COG5: variants seen among roughly 807,000 people sequenced by gnomAD.
COG5 encodes component of oligomeric golgi complex 5.
Under a neutral mutation model 110.4 loss-of-function variants are expected in COG5, and 86 were observed. The observed-to-expected ratio is 0.78, with a 90% confidence interval of 0.65 to 0.93. The LOEUF (loss-of-function observed/expected upper bound fraction) is 0.93, where lower values mean the gene tolerates loss of function less well. Ranked by LOEUF, COG5 falls within the 40% of genes least tolerant of loss-of-function variation. The probability of loss-of-function intolerance (pLI) is 0.00; values close to 1 mark genes in which losing one functional copy is unlikely to be tolerated. For synonymous variants in COG5, 360 were observed against 334.6 expected, an observed-to-expected ratio of 1.08 and a Z score of -0.83; for missense variants, 1,077 against 987.0, an observed-to-expected ratio of 1.09 and a Z score of -1.22.
chr7:107,558,261 T>C, intron 1 of COG5, 146 bp from the exon 2 acceptor site: 1 of 771,060 alleles, frequency 1.3e-6, no homozygotes, highest in Non-Finnish European at 2.1e-6. Flanking sequence ...CTTACTTTTA[T>C]CATGACCCTA....
intron 8 of COG5, among the ~76,000 whole-genome samples, chr7:107,365,790 C>G (rs1361905971): frequency 1.3e-5 from 2 of 151,880 alleles, no homozygotes; most frequent in African/African-American, 4.8e-5. Context: ...GGTAGCCATA[C>G]TAAGCTTCTG....
chr7:107,404,841 T>C (rs1456168074), intron 7 of COG5, among the ~76,000 whole-genome samples: 2 of 145,842 alleles, frequency 1.4e-5, no homozygotes, highest in Non-Finnish European at 1.5e-5. Context: ...GAGAAGATGG[T>C]TGATGGAAAG....
Position 107,380,713 on chromosome 7 carries a change from C to T in COG5, c.670-7953G>A, listed in dbSNP as rs116420117. 4.9e-3 allele frequency among the ~76,000 whole-genome samples: 750 copies of T among 152,206 alleles called. 8 individuals are homozygous for T. Among genetic ancestry groups the T allele is most frequent in the African/African-American group, 0.018 (731 of 41,508 alleles). ...GCCCAGGACCAGACAAATTCACAGC[C>T]GAATTCTACGAGAGGTTCAAAGAGG... is the stretch of plus-strand genomic sequence containing the variant. On this transcript the variant is annotated intron_variant, in intron 7 of 21. Transcript: ENST00000297135.
At chr7:107,546,422 G>A (rs1055088264) in intron 5 of COG5, among the ~76,000 whole-genome samples, 23 of 133,046 alleles carry the variant, frequency 1.7e-4, no homozygotes, top group African/African-American at 5.7e-4. Context: ...CAAGAGTTGT[G>A]TTTTGGTTTT....
At chr7:107,472,735 A>G (rs1796712903) in intron 6 of COG5, 2 of 151,988 alleles carry the variant, frequency 1.3e-5, no homozygotes, top group African/African-American at 4.8e-5. Context: ...AAAAAAGTTC[A>G]TAAATAAAAC....
At chr7:107,362,975 C>A (rs1018692285) in intron 8 of COG5, among the ~76,000 whole-genome samples, 3 of 151,960 alleles carry the variant, frequency 2.0e-5, no homozygotes, top group African/African-American at 2.4e-5. Context: ...CATTTATGCA[C>A]AAAAAAATTA....
intron 5 of COG5, among the ~76,000 whole-genome samples, chr7:107,534,179 A>C (rs1801412174): frequency 6.6e-6 from 1 of 151,262 alleles, no homozygotes; most frequent in African/African-American, 2.5e-5. Context: ...CTAAATATCA[A>C]AAGGAAAAAC....
At chr7:107,239,041 C>T (rs1292928777) in intron 17 of COG5, among the ~76,000 whole-genome samples, 1 of 152,008 alleles carries the variant, frequency 6.6e-6, no homozygotes, top group Admixed American at 6.6e-5. Context: ...GGATCAAATC[C>T]AAAAAATTAT....
intron 6 of COG5, among the ~76,000 whole-genome samples, chr7:107,510,863 C>T (rs1799446572): frequency 6.6e-6 from 1 of 152,168 alleles, no homozygotes; most frequent in East Asian, 1.9e-4. Context: ...AAAGACACAA[C>T]ATACCAGTAT....
Position 107,494,888 on chromosome 7 carries a change from G to T in COG5, c.538+32349C>A, listed in dbSNP as rs114415933. 5.5e-3 allele frequency among the ~76,000 whole-genome samples: 843 copies of T among 152,240 alleles called. 8 individuals carry two copies. Among genetic ancestry groups the T allele is most frequent in the African/African-American group, 0.02 (812 of 41,550 alleles). On this transcript the variant is annotated intron_variant, in intron 6 of 21. Coordinates refer to ENST00000297135, the MANE Select transcript of COG5 (RefSeq NM_006348.5). ...ATGGCTGAGAACAGGAATCAGGGCA[G>T]GCAGAGTAGTTATTTCACATAAAGC...
intron 5 of COG5, among the ~76,000 whole-genome samples, chr7:107,535,200 G>C (rs984650401): frequency 5.9e-5 from 9 of 151,588 alleles, no homozygotes; most frequent in Non-Finnish European, 1.2e-4. Context: ...AGCACTAAAT[G>C]CCCACAGGAG....
rs534661387 is a variant in COG5 at position 107,463,848 on chromosome 7, T to G, written c.539-51216A>C. Among the ~76,000 whole-genome samples the G allele has an allele frequency of 2.6e-3, 400 of 152,270 alleles. 4 individuals carry two copies. Among genetic ancestry groups the G allele is most frequent in the South Asian group, 0.023 (109 of 4,828 alleles). On this transcript the variant is annotated intron_variant, in intron 6 of 21. Coordinates refer to ENST00000297135, the MANE Select transcript of COG5 (RefSeq NM_006348.5). ...TCACTCCAGGGTGACGCTGTGCTCC[T>G]GGAAGTGCTTGGGCCTAGGGGTCTC...
intron 6 of COG5, among the ~76,000 whole-genome samples, chr7:107,441,123 C>T (rs1243772776): frequency 2.0e-5 from 3 of 151,642 alleles, no homozygotes; most frequent in African/African-American, 4.8e-5. Context: ...GGCATGGTGG[C>T]GGGAGCCTGT....
intron 10 of COG5, among the ~76,000 whole-genome samples, chr7:107,332,752 A>T (rs1810372278): frequency 6.6e-6 from 1 of 152,180 alleles, no homozygotes; most frequent in Non-Finnish European, 1.5e-5. Flanking sequence ...AGCTTACTGA[A>T]ACCTGAGTGT....
chr7:107,350,408 A>C (rs1812031299), intron 10 of COG5, among the ~76,000 whole-genome samples: 1 of 152,040 alleles, frequency 6.6e-6, no homozygotes, highest in Non-Finnish European at 1.5e-5. Context: ...TTTCATATCT[A>C]CCTAGTAATT....
At chr7:107,500,670 T>C (rs1798578069) in intron 6 of COG5, among the ~76,000 whole-genome samples, 1 of 152,180 alleles carries the variant, frequency 6.6e-6, no homozygotes, top group South Asian at 2.1e-4. Context: ...CAACAGGATA[T>C]ATTCCTAGTT....
chr7:107,387,542 A>G (rs146888102), intron 7 of COG5, among the ~76,000 whole-genome samples: 23 of 152,332 alleles, frequency 1.5e-4, no homozygotes, highest in Non-Finnish European at 2.5e-4. Flanking sequence ...TGATAGACCT[A>G]TTTCTGATGA....
chr7:107,428,076 G>T (rs920231390), intron 6 of COG5, among the ~76,000 whole-genome samples: 3 of 152,092 alleles, frequency 2.0e-5, no homozygotes, highest in Non-Finnish European at 4.4e-5. Flanking sequence ...AACCAATTAG[G>T]AAAGGGTAGG....
chr7:107,541,370 G>GC (rs201228207), intron 5 of COG5, among the ~76,000 whole-genome samples: 6,819 of 149,890 alleles, frequency 0.045, 190 homozygotes, highest in Middle Eastern at 0.075. Context: ...GGTGGTGCAT[G>GC]CCCATAGTCT....
Sources: allele counts gnomAD v4.1 joint callset (sites outside exome capture counted in the v4.1 genomes callset), GRCh38; gene constraint gnomAD v4.1.1; transcripts MANE v1.5; gene names NCBI Gene and HGNC (gene_info 2026-07-23, HGNC 2026-07-21).